The following GRIP2 variants were observed in gnomAD, a reference collection of about 807,000 sequenced individuals.
GRIP2 encodes the protein glutamate receptor-interacting protein 2.
Under a neutral mutation model 108.3 loss-of-function variants are expected in GRIP2, and 58 were observed. The observed-to-expected ratio is 0.54, with a 90% CI of 0.43 to 0.67. The LOEUF is 0.67. Among genes scored for constraint, GRIP2 ranks in the 30% least tolerant of loss-of-function variants. The pLI is 0.00. For synonymous variants in GRIP2, 586 were observed against 598.2 expected, an observed-to-expected ratio of 0.98 and a Z score of 0.30; for missense variants, 1,278 against 1,430.6, an observed-to-expected ratio of 0.89 and a Z score of 1.72.
chr3:14,550,803 A>G (rs1030026309), intron 1 of GRIP2, among the ~76,000 whole-genome samples: 1 of 152,156 alleles, frequency 6.6e-6, no homozygotes. Flanking sequence ...CACTCTGCGC[A>G]TGGGCACTGA....
In GRIP2 at chr3:14,507,748, C is replaced by A. The variant is rs774662958; in HGVS notation, c.2079-48G>T. 7 of 1,589,892 alleles carry A rather than the reference C, an allele frequency of 4.4e-6. No homozygotes were observed. In the Admixed American group the frequency reaches 5.0e-5, roughly 11 times the overall value. On this transcript the variant is annotated intron_variant, in intron 17 of 23. Coordinates refer to ENST00000621039, the MANE Select transcript of GRIP2 (RefSeq NM_001080423.4). This position sits in a 1 kb window ranked among gnomAD's most constrained non-coding sequence, Gnocchi z 4.6. ...AGAATGGGAGTTAGACACTCAGGGC[C>A]TCAGAGTGGCAGTCTGCCCTCAGGG... is the stretch of plus-strand genomic sequence containing the variant.
upstream of GRIP2, chr3:14,541,895 G>A: frequency 1.5e-6 from 2 of 1,339,536 alleles, no homozygotes; most frequent in South Asian, 1.2e-5. Flanking sequence ...CCGGTACCCT[G>A]GCAGTGGTCA....
At chr3:14,574,528 G>T in the GRIP2 span, 2 of 743,266 alleles carry the variant, frequency 2.7e-6, no homozygotes, top group Non-Finnish European at 5.0e-6. Context: ...TCCTGCTCCG[G>T]TGCCTTCTCC....
Position 14,511,428 on chromosome 3 carries a change from C to T in GRIP2, c.1772G>A (p.Gly591Asp), listed in dbSNP as rs1483646081. 9 of 1,613,862 alleles carry T rather than the reference C, an allele frequency of 5.6e-6. No homozygotes were observed. The highest frequency in any genetic ancestry group is 6.8e-6 in the Non-Finnish European group (8 of 1,179,900). ...EPLIISDIKK[G>D]SVAHRTGTLE... ...GTGCCCCTACCTGTGTGCCACGCTG[C>T]CTTTCTTGATGTCGGAGATGATCAA... is the stretch of plus-strand genomic sequence containing the variant. The change falls in exon 15 of 24, where the codon GGC becomes GAC. Residue 591 changes from glycine to aspartate, a missense_variant. Transcript: ENST00000621039. This position sits in a 1 kb window ranked among gnomAD's most constrained non-coding sequence, Gnocchi z 4.1.
chr3:14,578,575 G>C, the GRIP2 span, among the ~76,000 whole-genome samples: 1 of 152,084 alleles, frequency 6.6e-6, no homozygotes, highest in South Asian at 2.1e-4. Context: ...AAATTAGCCA[G>C]GCATGGTGGC....
intron 1 of GRIP2, among the ~76,000 whole-genome samples, chr3:14,555,286 A>C (rs972365023): frequency 6.7e-6 from 1 of 148,498 alleles, no homozygotes. Flanking sequence ...TCCCCCACAC[A>C]CAGCGCCCCT....
At chr3:14,594,230 A>G in the GRIP2 span, among the ~76,000 whole-genome samples, 1 of 152,176 alleles carries the variant, frequency 6.6e-6, no homozygotes, top group Non-Finnish European at 1.5e-5. Context: ...GGTAGCAGGT[A>G]CAGCAAACAA....
chr3:14,532,185 T>TC (rs1321290861), intron 1 of GRIP2, among the ~76,000 whole-genome samples: 11 of 152,152 alleles, frequency 7.2e-5, no homozygotes, highest in Non-Finnish European at 1.6e-4. Flanking sequence ...CCACGCGCCC[T>TC]CCCATCCTCA....
the GRIP2 span, among the ~76,000 whole-genome samples, chr3:14,593,745 T>C: frequency 6.6e-6 from 1 of 152,200 alleles, no homozygotes; most frequent in Non-Finnish European, 1.5e-5. Context: ...GAGAGTTCTT[T>C]GGGCAGGACT....
chr3:14,495,038 C>T (rs376816489), intron 22 of GRIP2, 49 bp from the exon 23 acceptor site: 16 of 1,599,416 alleles, frequency 1.0e-5, no homozygotes, highest in Admixed American at 1.7e-5. Context: ...CCTTTGCCCC[C>T]AGCCTCTCAC....
At chr3:14,496,800 G>A (rs1013887653) in intron 21 of GRIP2, among the ~76,000 whole-genome samples, 4 of 152,230 alleles carry the variant, frequency 2.6e-5, no homozygotes, top group Non-Finnish European at 5.9e-5. Context: ...CCAGGGCTAA[G>A]TCAGTTCTTA....
intron 1 of GRIP2, among the ~76,000 whole-genome samples, chr3:14,551,258 G>A (rs557071697): frequency 1.2e-4 from 18 of 152,318 alleles, no homozygotes; most frequent in African/African-American, 4.1e-4. Flanking sequence ...CAGGCAGATG[G>A]TCCTGCTGGA....
intron 22 of GRIP2, 40 bp from the exon 23 acceptor site, chr3:14,495,029 C>A (rs1381285622): frequency 6.2e-7 from 1 of 1,606,770 alleles, no homozygotes; most frequent in South Asian, 1.1e-5. Flanking sequence ...GAACTCTGAC[C>A]TTTGCCCCCA....
intron 23 of GRIP2, among the ~76,000 whole-genome samples, chr3:14,494,093 A>G (rs776963036): frequency 6.6e-6 from 1 of 152,216 alleles, no homozygotes; most frequent in Non-Finnish European, 1.5e-5. Flanking sequence ...TTCTCACATG[A>G]AAGAGCAGAC....
chr3:14,535,119 C>T (rs763310476), intron 1 of GRIP2, among the ~76,000 whole-genome samples: 1 of 151,756 alleles, frequency 6.6e-6, no homozygotes. Flanking sequence ...ACCATGCCAG[C>T]TCACCGGGAC....
the GRIP2 span, chr3:14,574,284 C>T: frequency 5.2e-6 from 5 of 960,626 alleles, no homozygotes; most frequent in Non-Finnish European, 6.6e-6. Context: ...GTTGTTGAGC[C>T]GTCCCACCAT....
the GRIP2 span, among the ~76,000 whole-genome samples, chr3:14,570,558 G>A: frequency 1.3e-5 from 2 of 152,248 alleles, no homozygotes; most frequent in African/African-American, 4.8e-5. Flanking sequence ...ACAAACATTT[G>A]AGAACCAATG....
chr3:14,519,288 G>A (rs1328392248), intron 9 of GRIP2, among the ~76,000 whole-genome samples: 1 of 152,194 alleles, frequency 6.6e-6, no homozygotes, highest in Non-Finnish European at 1.5e-5. Flanking sequence ...TTCTCTTCCA[G>A]AAGATGGGGT....
intron 13 of GRIP2, 100 bp downstream of exon 13, chr3:14,513,565 A>G: frequency 2.8e-6 from 4 of 1,419,498 alleles, no homozygotes; most frequent in Non-Finnish European, 3.8e-6. Context: ...CTGGGCACAG[A>G]GGGGGATGGG....
Sources: allele counts gnomAD v4.1 joint callset (sites outside exome capture counted in the v4.1 genomes callset), GRCh38; gene constraint gnomAD v4.1.1; non-coding constraint Gnocchi (gnomAD v3.1); transcripts MANE v1.5; gene names NCBI Gene and HGNC (gene_info 2026-07-23, HGNC 2026-07-21).